RBM48: variants seen among roughly 807,000 people sequenced by gnomAD.
The protein encoded by RBM48 is RNA binding motif protein 48, also known as RNA-binding protein 48.
In RBM48, 32 loss-of-function variants were observed where a neutral mutation model predicts 34.8. The ratio of observed to expected loss-of-function variants is 0.92; its 90% CI spans 0.69 to 1.23. The LOEUF (loss-of-function observed/expected upper bound fraction) is 1.23. Ranked by LOEUF, RBM48 falls within the 50% of genes most tolerant of loss-of-function variation. RBM48 has a pLI of 0.00. For synonymous variants in RBM48, 151 were observed against 156.2 expected, an observed-to-expected ratio of 0.97 and a Z score of 0.25; for missense variants, 441 against 447.2, an observed-to-expected ratio of 0.99 and a Z score of 0.12.
In RBM48 at chr7:92,538,531, T is replaced by G. The variant is rs1793781291; in HGVS notation, c.*1594T>G. On this transcript the variant is annotated 3_prime_UTR_variant, in exon 5 of 5. Transcript: ENST00000265732. Reference sequence around the variant, plus strand: ...GTGGTAGATGGTACTAACAGCAAGCTGCAGATAAGGAGGGTAGGCCCTACT... The same window carrying G: ...GTGGTAGATGGTACTAACAGCAAGCGGCAGATAAGGAGGGTAGGCCCTACT... 6.6e-6 allele frequency among the ~76,000 whole-genome samples: 1 copy of G among 152,152 alleles called. No individual in the cohort carries two copies. Among genetic ancestry groups the G allele is most frequent in the African/African-American group, 2.4e-5 (1 of 41,440 alleles).
rs1300427091 is a variant in RBM48, at chr7:92,540,063, A to G, written c.*3126A>G. Among the ~76,000 whole-genome samples, 3 of 152,250 alleles carry G rather than the reference A, an allele frequency of 2.0e-5. No individual in the cohort carries two copies. Among genetic ancestry groups the G allele is most frequent in the East Asian group, 3.8e-4 (2 of 5,200 alleles). On this transcript the variant is annotated 3_prime_UTR_variant, in exon 5 of 5. Transcript: ENST00000265732. Reference sequence around the variant, plus strand: ...TATTGCTAAAGAGGTTAAAAGCTCAATGGAAGTCTTGAATATAGTTACTGA... The same window carrying G: ...TATTGCTAAAGAGGTTAAAAGCTCAGTGGAAGTCTTGAATATAGTTACTGA...
rs752232044 is a variant in RBM48 at position 92,532,523 on chromosome 7, A to C, written c.422A>C (p.Tyr141Ser). Residue 141 changes from tyrosine (Y) to serine (S), a missense_variant, in exon 3 of 5, where the codon TAT (tyrosine) becomes TCT (serine). Transcript: ENST00000265732. ...AAAAAACTACAAATGCGGAAGGCAT[A>C]TGTAGTAAAAACTACTGAAAATAAA... ...TRKKLQMRKA[Y>S]VVKTTENKDH... The C allele has an allele frequency of 5.0e-6, 8 of 1,611,756 alleles. No individual in the cohort carries two copies. The South Asian group carries it at 8.8e-5, about 18-fold the overall frequency.
intron 3 of RBM48, among the ~76,000 whole-genome samples, chr7:92,533,166 G>A (rs1232758785): frequency 6.6e-6 from 1 of 152,170 alleles, no homozygotes; most frequent in Non-Finnish European, 1.5e-5. Context: ...GAAAACTCTT[G>A]GAAAACTTAC....
Position 92,537,586 on chromosome 7 carries a change from G to C in RBM48, c.*649G>C, listed in dbSNP as rs1171366044. On this transcript the variant is annotated 3_prime_UTR_variant, in exon 5 of 5. Transcript: ENST00000265732. Reference sequence around the variant, plus strand: ...GAAGTCAGGATGTTTCCGAATGCCAGGGTTTCAAAATCAAGACAATTCTAT... The same window carrying C: ...GAAGTCAGGATGTTTCCGAATGCCACGGTTTCAAAATCAAGACAATTCTAT... The C allele has an allele frequency of 1.3e-5, 2 of 152,178 alleles. No homozygotes were observed. The highest frequency in any genetic ancestry group is 3.8e-4 in the East Asian group (2 of 5,198). The allele number at this position is 152,178 out of a possible 1,614,324, so 9.4% of individuals were successfully genotyped here. A position where few individuals can be genotyped will look rare whatever the true frequency, so the allele number is the denominator to read the frequency against.
Position 92,534,918 on chromosome 7 carries a change from A to C in RBM48, c.965A>C (p.His322Pro). 1 of 1,614,208 alleles carries C rather than the reference A, an allele frequency of 6.2e-7. No individual in the cohort carries two copies. The highest frequency in any genetic ancestry group is 8.5e-7 in the Non-Finnish European group (1 of 1,180,010). Residue 322 changes from histidine to proline, a missense_variant, in exon 4 of 5, where the codon CAC becomes CCC. Coordinates refer to ENST00000265732, the MANE Select transcript of RBM48 (RefSeq NM_032120.4). ...CCAGACATCTCTAAAGTGGATATGC[A>C]CGATGACTCATTGAATACAACGGCG... Reference protein sequence around the residue: ...LLPDISKVDMHDDSLNTTANL... With the variant: ...LLPDISKVDMPDDSLNTTANL...
chr7:92,537,064 C>G lies in RBM48; in HGVS notation c.*127C>G, dbSNP rs2116333306. ...ATGCACTCCTCTTTGTAATTTCATT[C>G]AAGCCATTTGTCTAAAGTCATTTCT... On this transcript the variant is annotated 3_prime_UTR_variant, in exon 5 of 5. Transcript: ENST00000265732. The G allele has an allele frequency of 4.4e-6, 3 of 679,372 alleles. No individual in the cohort carries two copies. Among genetic ancestry groups the G allele is most frequent in the Non-Finnish European group, 7.2e-6 (3 of 418,914 alleles). The allele number at this position is 679,372 out of a possible 1,614,324, so 42.1% of individuals were successfully genotyped here. A position where few individuals can be genotyped will look rare whatever the true frequency, so the allele number is the denominator to read the frequency against.
rs917254776 is a variant in RBM48, at chr7:92,537,663, A to G, written c.*726A>G. ...AACAAAGCTGAAATTAGAACCTTAT[A>G]TGCTTTAAATAACTTTTAAGAATTT... is the stretch of plus-strand genomic sequence containing the variant. On this transcript the variant is annotated 3_prime_UTR_variant, in exon 5 of 5. Coordinates refer to ENST00000265732, the MANE Select transcript of RBM48 (RefSeq NM_032120.4). 1.3e-5 allele frequency: 2 copies of G among 152,214 alleles called. No homozygotes were observed. Among genetic ancestry groups the G allele is most frequent in the Non-Finnish European group, 2.9e-5 (2 of 68,034 alleles). The allele number at this position is 152,214 out of a possible 1,614,324, so 9.4% of individuals were successfully genotyped here. A position where few individuals can be genotyped will look rare whatever the true frequency, so the allele number is the denominator to read the frequency against.
At position 92,534,691 on chromosome 7, in the gene RBM48, A is replaced by G. The variant is rs367568627; in HGVS notation, c.738A>G (p.Lys246=). Residue 246 remains lysine (K), a synonymous_variant, in exon 4 of 5, where the codon AAA becomes AAG. Coordinates refer to ENST00000265732, the MANE Select transcript of RBM48 (RefSeq NM_032120.4). ...ATAACCACAATGACTCTTTGCGGAAAACACAGATAAACTCTTTGAAAAACT... is the reference window on the plus strand; with the variant it reads ...ATAACCACAATGACTCTTTGCGGAAGACACAGATAAACTCTTTGAAAAACT... ...GHYNHNDSLR[K]TQINSLKNSV... 10 of 1,614,094 alleles carry G rather than the reference A, an allele frequency of 6.2e-6. No homozygotes were observed. In the Admixed American group the frequency reaches 1.2e-4, roughly 19 times the overall value.
At chr7:92,535,653 CTCT>C in intron 4 of RBM48, 1 of 984,900 alleles carries the variant, frequency 1.0e-6, no homozygotes, top group East Asian at 1.1e-4. Context: ...TTATGACATT[CTCT>C]TATACTTACT....
intron 4 of RBM48, chr7:92,536,165 ACTTC>A (rs1254099913): frequency 8.1e-6 from 8 of 985,262 alleles, no homozygotes; most frequent in Non-Finnish European, 8.4e-6. Flanking sequence ...TGCCACCCTT[ACTTC>A]CTTCCTTCAG....
chr7:92,534,930 T>G lies in RBM48; in HGVS notation c.977T>G (p.Leu326Trp), dbSNP rs751893937. 1.2e-6 allele frequency: 2 copies of G among 1,614,192 alleles called. No individual in the cohort carries two copies. The highest frequency in any genetic ancestry group is 3.3e-5 in the Admixed American group (2 of 60,010). The change falls in exon 4 of 5, where the codon TTG becomes TGG. Residue 326 changes from leucine (L) to tryptophan (W), a missense_variant. Leu to Trp is a moderately conservative substitution (Grantham distance 61). Transcript: ENST00000265732. ...ISKVDMHDDS[L>W]NTTANLIRHK... ...AAAGTGGATATGCACGATGACTCAT[T>G]GAATACAACGGCGAATTTAATTCGG...
Position 92,534,519 on chromosome 7 carries a change from G to C in RBM48, c.566G>C (p.Gly189Ala), listed in dbSNP as rs764876223. The part of the protein sequence containing the change: ...FCKAALNTSA[G>A]NSNPYLPYSC... ...AAAGCTGCTTTGAACACTTCTGCAG[G>C]GAACTCAAATCCTTATCTTCCGTAT... The change falls in exon 4 of 5, where the codon GGG (glycine) becomes GCG (alanine). Residue 189 changes from glycine to alanine, a missense_variant. Physicochemically the swap from Gly to Ala is moderately conservative, Grantham distance 60 (BLOSUM62 0). Transcript: ENST00000265732. The C allele has an allele frequency of 6.2e-7, 1 of 1,614,038 alleles. No homozygotes were observed. Among genetic ancestry groups the C allele is most frequent in the Admixed American group, 1.7e-5 (1 of 60,026 alleles).
In RBM48 at chr7:92,539,640, A is replaced by G. The variant is rs1244395327; in HGVS notation, c.*2703A>G. 6.6e-6 allele frequency among the ~76,000 whole-genome samples: 1 copy of G among 152,228 alleles called. No homozygotes were observed. The highest frequency in any genetic ancestry group is 1.9e-4 in the East Asian group (1 of 5,200). On this transcript the variant is annotated 3_prime_UTR_variant, in exon 5 of 5. Transcript: ENST00000265732. The stretch of plus-strand genomic sequence containing the variant: ...CTTGAACCCAGGAGGCAGAGATCGC[A>G]GTGAGTTGAGATTGTACCACTGCAC...
Position 92,536,984 on chromosome 7 carries a change from T to C in RBM48, c.*47T>C, listed in dbSNP as rs1463313129. On this transcript the variant is annotated 3_prime_UTR_variant, in exon 5 of 5. Coordinates refer to ENST00000265732, the MANE Select transcript of RBM48 (RefSeq NM_032120.4). Reference sequence around the variant, plus strand: ...TTTTCTAAAAAGAACATTTATTATTTATTTTTAGCCTGTCATTTTAATTCT... The same window carrying C: ...TTTTCTAAAAAGAACATTTATTATTCATTTTTAGCCTGTCATTTTAATTCT... 2.2e-6 allele frequency: 3 copies of C among 1,347,668 alleles called. No homozygotes were observed. Among genetic ancestry groups the C allele is most frequent in the Non-Finnish European group, 2.0e-6 (2 of 986,890 alleles). The allele number at this position is 1,347,668 out of a possible 1,614,324, so 83.5% of individuals were successfully genotyped here.
Position 92,538,399 on chromosome 7 carries a change from C to T in RBM48, c.*1462C>T, listed in dbSNP as rs1793776002. Reference sequence around the variant, plus strand: ...GGTTGGTTTTGCCACTGGCTCCATTCCTGTTGTTTTTCAGCTTTTACTCCC... The same window carrying T: ...GGTTGGTTTTGCCACTGGCTCCATTTCTGTTGTTTTTCAGCTTTTACTCCC... On this transcript the variant is annotated 3_prime_UTR_variant, in exon 5 of 5. Coordinates refer to ENST00000265732, the MANE Select transcript of RBM48 (RefSeq NM_032120.4). Among the ~76,000 whole-genome samples, 1 of 152,148 alleles carries T rather than the reference C, an allele frequency of 6.6e-6. No homozygotes were observed. The highest frequency in any genetic ancestry group is 1.5e-5 in the Non-Finnish European group (1 of 68,036).
At chr7:92,535,615 A>T (rs1793691787) in intron 4 of RBM48, 1 of 985,208 alleles carries the variant, frequency 1.0e-6, no homozygotes, top group African/African-American at 1.7e-5. Flanking sequence ...TGGGGTAGGG[A>T]CTACTGTTAC....
chr7:92,536,833 T>A lies in RBM48; in HGVS notation c.1018-18T>A. 1 of 529,916 alleles carries A rather than the reference T, an allele frequency of 1.9e-6. No individual in the cohort carries two copies. Among genetic ancestry groups the A allele is most frequent in the Middle Eastern group, 4.4e-4 (1 of 2,290 alleles). The allele number at this position is 529,916 out of a possible 1,614,324, so 32.8% of individuals were successfully genotyped here. On this transcript the variant is annotated intron_variant, in intron 4 of 4. Coordinates refer to ENST00000265732, the MANE Select transcript of RBM48 (RefSeq NM_032120.4). Reference sequence around the variant, plus strand: ...TATAGAAACTAAGTTTTAATGGTTCTTTTTTTTTTTTAATTAGGTAATTTC... The same window carrying A: ...TATAGAAACTAAGTTTTAATGGTTCATTTTTTTTTTTAATTAGGTAATTTC...
rs1292391359 is a variant in RBM48 at position 92,539,776 on chromosome 7, C to T, written c.*2839C>T. Reference sequence around the variant, plus strand: ...GAACATGTAAGGCAATTTTATGAGCCAAATCAATTATTAGACTGATACTTG... The same window carrying T: ...GAACATGTAAGGCAATTTTATGAGCTAAATCAATTATTAGACTGATACTTG... On this transcript the variant is annotated 3_prime_UTR_variant, in exon 5 of 5. Coordinates refer to ENST00000265732, the MANE Select transcript of RBM48 (RefSeq NM_032120.4). 1.3e-5 allele frequency among the ~76,000 whole-genome samples: 2 copies of T among 152,126 alleles called. No homozygotes were observed. The highest frequency in any genetic ancestry group is 2.9e-5 in the Non-Finnish European group (2 of 68,014).
intron 2 of RBM48, 57 bp from the exon 3 acceptor site, chr7:92,532,347 C>T: frequency 6.8e-7 from 1 of 1,476,224 alleles, no homozygotes. Flanking sequence ...ACTAGTTAAG[C>T]TTTCATCCCA....
Sources: gnomAD v4.1 joint callset for allele counts (sites outside exome capture counted in the v4.1 genomes callset) on GRCh38, gnomAD v4.1.1 for gene constraint, MANE v1.5 for transcripts, NCBI Gene and HGNC (gene_info 2026-07-23, HGNC 2026-07-21) for gene names.